The following NCOA7 variants were observed in gnomAD, a reference collection of about 807,000 sequenced individuals.
The protein encoded by NCOA7 is 140 kDa estrogen receptor-associated protein.
In NCOA7, 45 loss-of-function variants were observed where a neutral mutation model predicts 104.3. The ratio of observed to expected loss-of-function variants is 0.43; its 90% CI spans 0.34 to 0.55. The LOEUF is 0.55. NCOA7 is among the 20% of genes least tolerant of loss of function. NCOA7 has a pLI of 0.02. For synonymous variants in NCOA7, 398 were observed against 402.3 expected (o/e 0.99, Z 0.13); for missense variants, 1,041 against 1,119.7 (o/e 0.93, Z 1.00).
chr6:125,885,003 G>A (rs1385178528), intron 7 of NCOA7, among the ~76,000 whole-genome samples, 156 bp from the exon 8 acceptor site: 1 of 152,166 alleles, frequency 6.6e-6, no homozygotes, highest in Admixed American at 6.5e-5. Context: ...TCTTCAGCCT[G>A]TTTTTCTGGT....
intron 2 of NCOA7, among the ~76,000 whole-genome samples, chr6:125,848,324 C>T (rs1040442567): frequency 6.6e-6 from 1 of 152,178 alleles, no homozygotes; most frequent in African/African-American, 2.4e-5. Flanking sequence ...GACTATAAAT[C>T]ATGCTGCTAT....
intron 4 of NCOA7, among the ~76,000 whole-genome samples, chr6:125,876,952 C>T (rs1216766534): frequency 6.6e-6 from 1 of 152,102 alleles, no homozygotes; most frequent in Non-Finnish European, 1.5e-5. Flanking sequence ...TTTTCTTACT[C>T]TGATCCCCCT....
intron 3 of NCOA7, among the ~76,000 whole-genome samples, chr6:125,872,221 ATAGT>A (rs1323258912): frequency 6.6e-6 from 1 of 152,200 alleles, no homozygotes; most frequent in Non-Finnish European, 1.5e-5. Flanking sequence ...TCAGGTGAAC[ATAGT>A]TAAGTTTATC....
At chr6:125,851,144 A>T (rs895421766) in intron 2 of NCOA7, among the ~76,000 whole-genome samples, 1 of 152,160 alleles carries the variant, frequency 6.6e-6, no homozygotes, top group Non-Finnish European at 1.5e-5. Context: ...CTTTGGTGGT[A>T]CAAGTGGTTT....
At chr6:125,821,882 G>A (rs1351030355) in intron 2 of NCOA7, among the ~76,000 whole-genome samples, 1 of 152,194 alleles carries the variant, frequency 6.6e-6, no homozygotes, top group Non-Finnish European at 1.5e-5. Flanking sequence ...GTCAAATACA[G>A]AGTCTGAGGT....
At chr6:125,881,003 T>C (rs1471041887) in intron 5 of NCOA7, 87 bp from the exon 6 acceptor site, 3 of 874,208 alleles carry the variant, frequency 3.4e-6, no homozygotes, top group Non-Finnish European at 3.9e-6. Flanking sequence ...CTGAACATGA[T>C]ACTGTGTAGA....
At chr6:125,874,587 A>G (rs1783205770) in intron 3 of NCOA7, among the ~76,000 whole-genome samples, 1 of 152,242 alleles carries the variant, frequency 6.6e-6, no homozygotes, top group South Asian at 2.1e-4. Flanking sequence ...CATCATTTAT[A>G]TGGTAACTCT....
intron 2 of NCOA7, among the ~76,000 whole-genome samples, chr6:125,826,784 T>A (rs1778695278): frequency 6.6e-6 from 1 of 152,122 alleles, no homozygotes. Flanking sequence ...TAATTTACAA[T>A]GAACAGAAAT....
chr6:125,900,767 A>G (rs1785425560), intron 10 of NCOA7, among the ~76,000 whole-genome samples: 1 of 152,238 alleles, frequency 6.6e-6, no homozygotes. Flanking sequence ...GTTTGTAAAT[A>G]AATAAAGTTG....
At chr6:125,792,364 T>G (rs1010496193) in intron 1 of NCOA7, among the ~76,000 whole-genome samples, 1 of 152,230 alleles carries the variant, frequency 6.6e-6, no homozygotes, top group African/African-American at 2.4e-5. Flanking sequence ...ACTCTTAAGT[T>G]CATTTCATGT....
At chr6:125,857,246 C>T (rs1204277090) in intron 3 of NCOA7, among the ~76,000 whole-genome samples, 3 of 151,954 alleles carry the variant, frequency 2.0e-5, no homozygotes, top group Non-Finnish European at 2.9e-5. Context: ...TCATATCTTT[C>T]GTTTGTTTTG....
chr6:125,858,030 A>T (rs1781730978), intron 3 of NCOA7, among the ~76,000 whole-genome samples: 1 of 152,068 alleles, frequency 6.6e-6, no homozygotes, highest in Non-Finnish European at 1.5e-5. Context: ...ACCTGACTTA[A>T]CAAAATCAGC....
At chr6:125,790,363 G>C (rs1444394006), upstream of NCOA7, among the ~76,000 whole-genome samples, 1 of 152,240 alleles carries the variant, frequency 6.6e-6, no homozygotes, top group African/African-American at 2.4e-5. Context: ...AAGCGGCCCG[G>C]GGTGAGGTAA....
chr6:125,802,831 T>C (rs778370650), intron 1 of NCOA7, among the ~76,000 whole-genome samples: 28 of 152,360 alleles, frequency 1.8e-4, no homozygotes, highest in Non-Finnish European at 3.1e-4. Context: ...GCTAGAAATT[T>C]ATAGTTGAAT....
chr6:125,825,879 G>T (rs989598860), intron 2 of NCOA7, among the ~76,000 whole-genome samples: 2 of 152,062 alleles, frequency 1.3e-5, no homozygotes, highest in African/African-American at 4.8e-5. Context: ...TTTTATAAGG[G>T]TAGATATATT....
At position 125,848,452 on chromosome 6, in the gene NCOA7, A is replaced by G. The variant is rs180683257; in HGVS notation, c.51-6568A>G. The stretch of plus-strand genomic sequence containing the variant: ...TAAGAAAATATGGCACGTATACACC[A>G]TGGAATACCATGCAGCCATAAAAAA... On this transcript the variant is annotated intron_variant, in intron 2 of 15. Transcript: ENST00000392477. 6.0e-4 allele frequency among the ~76,000 whole-genome samples: 92 copies of G among 152,316 alleles called. No homozygotes were observed. In the East Asian group the frequency reaches 0.016, roughly 26 times the overall value.
At chr6:125,898,893 G>A (rs1785263085) in intron 10 of NCOA7, among the ~76,000 whole-genome samples, 1 of 151,912 alleles carries the variant, frequency 6.6e-6, no homozygotes, top group South Asian at 2.1e-4. Flanking sequence ...ATACAGAAAA[G>A]CAAAAAGAAG....
intron 10 of NCOA7, chr6:125,899,829 A>G (rs1349483187): frequency 1.0e-5 from 3 of 285,982 alleles, no homozygotes; most frequent in African/African-American, 6.4e-5. Context: ...TTTGGCAAAT[A>G]CCTTGAGTTA....
intron 15 of NCOA7, 81 bp downstream of exon 15, chr6:125,928,328 A>T: frequency 7.9e-7 from 1 of 1,266,586 alleles, no homozygotes; most frequent in Non-Finnish European, 1.1e-6. Flanking sequence ...TACGTAGTTA[A>T]AACTTCGGTG....
Sources: allele counts gnomAD v4.1 joint callset (sites outside exome capture counted in the v4.1 genomes callset), GRCh38; gene constraint gnomAD v4.1.1; transcripts MANE v1.5; gene names NCBI Gene and HGNC (gene_info 2026-07-23, HGNC 2026-07-21).